The following ZMAT4 variants were observed in gnomAD, a reference collection of about 807,000 sequenced individuals.
ZMAT4 encodes zinc finger matrin-type 4, also known as zinc finger matrin-type protein 4.
In ZMAT4, 17 loss-of-function variants were observed where a neutral mutation model predicts 28.7. The observed-to-expected ratio is 0.59, with a 90% CI of 0.41 to 0.89. The LOEUF (loss-of-function observed/expected upper bound fraction) is 0.89, where lower values mean the gene tolerates loss of function less well. Ranked by LOEUF, ZMAT4 falls within the 40% of genes least tolerant of loss-of-function variation. The pLI is 0.00. For missense variants in ZMAT4, 240 were observed against 283.8 expected (o/e 0.85, Z 1.11); for synonymous variants, 117 against 109.2 (o/e 1.07, Z -0.44).
At chr8:40,720,210 C>T (rs935190392) in intron 3 of ZMAT4, among the ~76,000 whole-genome samples, 8 of 152,152 alleles carry the variant, frequency 5.3e-5, no homozygotes, top group South Asian at 2.1e-4. Context: ...AAAAGCAATT[C>T]CATTCAGGTG....
intron 1 of ZMAT4, among the ~76,000 whole-genome samples, chr8:40,862,508 C>A (rs1384774690): frequency 7.5e-6 from 1 of 132,670 alleles, no homozygotes; most frequent in African/African-American, 2.8e-5. Context: ...CAGCATGGCA[C>A]ATGTATACAT....
chr8:40,601,634 GA>G (rs1462984527), intron 5 of ZMAT4, among the ~76,000 whole-genome samples: 3 of 26,860 alleles, frequency 1.1e-4, no homozygotes, highest in African/African-American at 1.9e-4. Flanking sequence ...AAGAAAGAAA[GA>G]GAAAGAAAGA....
At chr8:40,607,847 T>C (rs1805652530) in intron 5 of ZMAT4, among the ~76,000 whole-genome samples, 1 of 152,132 alleles carries the variant, frequency 6.6e-6, no homozygotes, top group South Asian at 2.1e-4. Context: ...GGGCTAGTAC[T>C]GGGGTGTGTC....
In ZMAT4 at chr8:40,691,872, AGCCTCTGTTTGTG is replaced by A. The variant is rs375526954; in HGVS notation, c.349+5360_349+5372del. 1.1e-3 allele frequency among the ~76,000 whole-genome samples: 166 copies of A among 152,288 alleles called. 1 individual carries two copies. Among genetic ancestry groups the A allele is most frequent in the African/African-American group, 3.8e-3 (156 of 41,562 alleles). Reference sequence around the variant, plus strand: ...AATTTAAAACTGGGTCTGACTTCACAGCCTCTGTTTGTGGCCTCTGGTATTTGGTATATCACCT... The same window carrying A: ...AATTTAAAACTGGGTCTGACTTCACAGCCTCTGGTATTTGGTATATCACCT... On this transcript the variant is annotated intron_variant, in intron 4 of 6. Coordinates refer to ENST00000297737, the MANE Select transcript of ZMAT4 (RefSeq NM_024645.3).
chr8:40,551,560 T>TG (rs544493025), intron 6 of ZMAT4, among the ~76,000 whole-genome samples: 3 of 152,284 alleles, frequency 2.0e-5, no homozygotes, highest in African/African-American at 7.2e-5. Flanking sequence ...TGATTTGTGT[T>TG]GGGGAAGATT....
intron 5 of ZMAT4, among the ~76,000 whole-genome samples, chr8:40,672,680 T>C (rs1808727784): frequency 6.6e-6 from 1 of 152,174 alleles, no homozygotes; most frequent in African/African-American, 2.4e-5. Flanking sequence ...TTTCTTCAAG[T>C]CATAATAACT....
chr8:40,698,620 A>G (rs1809997162), intron 3 of ZMAT4, among the ~76,000 whole-genome samples: 1 of 152,346 alleles, frequency 6.6e-6, no homozygotes, highest in East Asian at 1.9e-4. Context: ...GAGGAAGGGA[A>G]TTACATATTT....
Position 40,674,904 on chromosome 8 carries a change from G to A in ZMAT4, c.377C>T (p.Pro126Leu). The change falls in exon 5 of 7, where the codon CCA (proline) becomes CTA (leucine). Residue 126 changes from proline (P) to leucine (L), a missense_variant. By Grantham distance (98) the Pro-to-Leu change is moderately conservative. Transcript: ENST00000297737. ...GACCACCGGAGCAGTGTCCATCCGTGGGGGCTTAAGTGGGCTCAGGGGTGT... is the reference window on the plus strand; with the variant it reads ...GACCACCGGAGCAGTGTCCATCCGTAGGGGCTTAAGTGGGCTCAGGGGTGT... ...TATPLSPLKP[P>L]RMDTAPVVAS... 1 of 1,613,130 alleles carries A rather than the reference G, an allele frequency of 6.2e-7. No homozygotes were observed. The highest frequency in any genetic ancestry group is 8.5e-7 in the Non-Finnish European group (1 of 1,179,814).
chr8:40,807,767 CTT>C (rs1239846833), intron 2 of ZMAT4, among the ~76,000 whole-genome samples: 1 of 152,158 alleles, frequency 6.6e-6, no homozygotes, highest in Non-Finnish European at 1.5e-5. Flanking sequence ...AATTTCAAAA[CTT>C]TGTTTCCTCC....
At chr8:40,677,147 C>A (rs1270080412) in intron 4 of ZMAT4, among the ~76,000 whole-genome samples, 1 of 152,092 alleles carries the variant, frequency 6.6e-6, no homozygotes, top group Non-Finnish European at 1.5e-5. Flanking sequence ...TCAACTGATA[C>A]CTTCTACACC....
chr8:40,793,841 T>A (rs1814467190), intron 2 of ZMAT4, among the ~76,000 whole-genome samples: 1 of 152,204 alleles, frequency 6.6e-6, no homozygotes, highest in Admixed American at 6.5e-5. Flanking sequence ...TCAGGAAAAG[T>A]GTGACGGACT....
At chr8:40,648,141 A>C (rs1355397361) in intron 5 of ZMAT4, among the ~76,000 whole-genome samples, 1 of 152,222 alleles carries the variant, frequency 6.6e-6, no homozygotes, top group East Asian at 1.9e-4. Flanking sequence ...ATGGGAGGAC[A>C]TTCAAACCAA....
At chr8:40,569,539 C>G (rs915106998) in intron 6 of ZMAT4, among the ~76,000 whole-genome samples, 1 of 152,172 alleles carries the variant, frequency 6.6e-6, no homozygotes, top group Admixed American at 6.5e-5. Context: ...AGAGGAGAAG[C>G]CAGGATCTCC....
intron 2 of ZMAT4, among the ~76,000 whole-genome samples, chr8:40,782,514 C>T (rs765201533): frequency 4.1e-4 from 63 of 152,060 alleles, no homozygotes; most frequent in Admixed American, 1.8e-3. Context: ...AATGTGTAAA[C>T]AATTTTTTCG....
intron 3 of ZMAT4, among the ~76,000 whole-genome samples, chr8:40,741,993 C>T (rs1176367896): frequency 6.6e-6 from 1 of 152,116 alleles, no homozygotes. Context: ...AATCCCAATA[C>T]TTTGAGAGGC....
intron 5 of ZMAT4, among the ~76,000 whole-genome samples, chr8:40,627,486 C>T (rs1198670285): frequency 6.6e-6 from 1 of 152,040 alleles, no homozygotes; most frequent in Non-Finnish European, 1.5e-5. Flanking sequence ...TACTGTTTTA[C>T]TGTCTTTGTG....
At chr8:40,600,321 T>A (rs770764738) in intron 5 of ZMAT4, among the ~76,000 whole-genome samples, 2 of 152,190 alleles carry the variant, frequency 1.3e-5, no homozygotes, top group African/African-American at 4.8e-5. Context: ...AAGCAAAATA[T>A]CTCTTGCAAT....
At chr8:40,811,297 T>G (rs68186711) in intron 2 of ZMAT4, among the ~76,000 whole-genome samples, 27,322 of 152,114 alleles carry the variant, frequency 0.18, 2,659 homozygotes, top group Non-Finnish European at 0.2. Context: ...CGAGTGGATC[T>G]TCACAACTGT....
intron 6 of ZMAT4, among the ~76,000 whole-genome samples, chr8:40,544,202 C>G (rs1803126353): frequency 6.6e-6 from 1 of 152,172 alleles, no homozygotes; most frequent in South Asian, 2.1e-4. Context: ...TTTTGTGCTG[C>G]TTATAGTAAA....
Sources: allele counts gnomAD v4.1 joint callset (sites outside exome capture counted in the v4.1 genomes callset), GRCh38; gene constraint gnomAD v4.1.1; transcripts MANE v1.5; gene names NCBI Gene and HGNC (gene_info 2026-07-23, HGNC 2026-07-21).